TMEFF2: variants seen among roughly 807,000 people sequenced by gnomAD.
TMEFF2 encodes the protein tomoregulin-2.
In TMEFF2, 28 loss-of-function variants were observed where a neutral mutation model predicts 53.8. That is an observed-to-expected ratio of 0.52 (90% CI 0.39 to 0.71). The LOEUF (loss-of-function observed/expected upper bound fraction) is 0.71. TMEFF2 is among the 30% of genes least tolerant of loss of function. The pLI is 0.00. For synonymous variants in TMEFF2, 162 were observed against 166.3 expected (o/e 0.97, Z 0.20); for missense variants, 353 against 455.2 (o/e 0.78, Z 2.04).
At chr2:192,131,766 T>A (rs1689837517) in intron 4 of TMEFF2, among the ~76,000 whole-genome samples, 1 of 152,120 alleles carries the variant, frequency 6.6e-6, no homozygotes, top group Non-Finnish European at 1.5e-5. Flanking sequence ...CCTCTTCAAC[T>A]CTCACCTGAC....
At chr2:192,058,518 G>A (rs144456174) in intron 4 of TMEFF2, among the ~76,000 whole-genome samples, 1 of 152,026 alleles carries the variant, frequency 6.6e-6, no homozygotes, top group Non-Finnish European at 1.5e-5. Context: ...TGCAAAAATA[G>A]GCAATATATC....
At chr2:191,968,435 T>C (rs978247032) in intron 7 of TMEFF2, among the ~76,000 whole-genome samples, 1 of 152,170 alleles carries the variant, frequency 6.6e-6, no homozygotes, top group East Asian at 1.9e-4. Flanking sequence ...GACAGCAGAA[T>C]AGAAGAGGCA....
chr2:191,970,961 C>T (rs993097648), intron 7 of TMEFF2, among the ~76,000 whole-genome samples: 18 of 152,100 alleles, frequency 1.2e-4, no homozygotes, highest in East Asian at 1.9e-4. Flanking sequence ...TTGAAGTACC[C>T]GTGATTCATT....
At chr2:192,115,070 A>G (rs1219452871) in intron 4 of TMEFF2, among the ~76,000 whole-genome samples, 1 of 151,960 alleles carries the variant, frequency 6.6e-6, no homozygotes, top group Non-Finnish European at 1.5e-5. Flanking sequence ...CATTTTTCTC[A>G]CAGGTAAAAA....
chr2:192,169,484 T>C (rs1444775016), intron 4 of TMEFF2, among the ~76,000 whole-genome samples: 1 of 152,070 alleles, frequency 6.6e-6, no homozygotes, highest in African/African-American at 2.4e-5. Context: ...GGTCTTTGTA[T>C]CTCCTGTTGG....
intron 4 of TMEFF2, among the ~76,000 whole-genome samples, chr2:192,068,803 A>G (rs933722939): frequency 6.6e-6 from 1 of 151,924 alleles, no homozygotes; most frequent in Non-Finnish European, 1.5e-5. Flanking sequence ...GTTTAAATAT[A>G]TAACTTATTT....
chr2:191,968,463 CTT>C (rs1692530114), intron 7 of TMEFF2, among the ~76,000 whole-genome samples: 4 of 152,126 alleles, frequency 2.6e-5, no homozygotes, highest in African/African-American at 2.4e-5. Context: ...AGAAATATCT[CTT>C]TGGTTTCATG....
intron 5 of TMEFF2, among the ~76,000 whole-genome samples, chr2:192,002,840 C>A (rs1266786918): frequency 2.0e-5 from 3 of 151,894 alleles, no homozygotes; most frequent in Non-Finnish European, 4.4e-5. Context: ...AAAAACAAAA[C>A]AAAACAAAAC....
intron 7 of TMEFF2, among the ~76,000 whole-genome samples, chr2:191,973,738 CAT>C (rs1213145003): frequency 1.3e-5 from 2 of 152,160 alleles, no homozygotes; most frequent in Non-Finnish European, 2.9e-5. Flanking sequence ...ATAATCCCCA[CAT>C]GTCACAGGAG....
At chr2:192,192,754 T>C (rs912924340) in intron 1 of TMEFF2, among the ~76,000 whole-genome samples, 2 of 152,354 alleles carry the variant, frequency 1.3e-5, no homozygotes, top group South Asian at 2.1e-4. Context: ...CAAACCAGTC[T>C]GTGTTGGACT....
chr2:192,170,114 A>G (rs1222855617), intron 4 of TMEFF2, among the ~76,000 whole-genome samples: 1 of 152,116 alleles, frequency 6.6e-6, no homozygotes, highest in African/African-American at 2.4e-5. Context: ...GAGTAACTGA[A>G]TAAAATTCTC....
At chr2:192,157,603 G>A (rs1273527188) in intron 4 of TMEFF2, among the ~76,000 whole-genome samples, 1 of 151,854 alleles carries the variant, frequency 6.6e-6, no homozygotes, top group East Asian at 1.9e-4. Context: ...TATTTTTAAT[G>A]TGAAAGCAAG....
intron 9 of TMEFF2, among the ~76,000 whole-genome samples, chr2:191,951,179 A>G (rs998217265): frequency 2.0e-5 from 3 of 146,536 alleles, no homozygotes; most frequent in Non-Finnish European, 4.6e-5. Context: ...GTGTGTGTGT[A>G]TGTATGTGTA....
chr2:191,966,304 T>C (rs891281695), intron 7 of TMEFF2, among the ~76,000 whole-genome samples: 2 of 152,188 alleles, frequency 1.3e-5, no homozygotes, highest in African/African-American at 4.8e-5. Flanking sequence ...TGGTTTCTTC[T>C]TTCCACAGCT....
intron 7 of TMEFF2, among the ~76,000 whole-genome samples, chr2:191,983,869 C>T (rs1052221102): frequency 1.3e-5 from 2 of 152,178 alleles, no homozygotes; most frequent in Non-Finnish European, 2.9e-5. Context: ...AATTCAATAT[C>T]GTTTCTAAAT....
intron 4 of TMEFF2, among the ~76,000 whole-genome samples, chr2:192,089,917 A>G (rs903372211): frequency 1.3e-5 from 2 of 152,118 alleles, no homozygotes; most frequent in African/African-American, 4.8e-5. Context: ...TCATAAGCAT[A>G]TTCTTTTCTC....
At position 191,977,606 on chromosome 2, in the gene TMEFF2, G is replaced by A. The variant is rs531360316; in HGVS notation, c.745+20656C>T. ...CTAATAAAATAATCTCTCCTTCCAT[G>A]AAATCTTAGAAATGGATTTTTTGTC... On this transcript the variant is annotated intron_variant, in intron 7 of 9. Coordinates refer to ENST00000272771, the MANE Select transcript of TMEFF2 (RefSeq NM_016192.4). Among the ~76,000 whole-genome samples the A allele has an allele frequency of 9.9e-5, 15 of 151,460 alleles. No homozygotes were observed. In the South Asian group the frequency reaches 3.1e-3, roughly 31 times the overall value.
intron 5 of TMEFF2, among the ~76,000 whole-genome samples, chr2:192,042,351 G>A (rs1052521549): frequency 1.3e-5 from 2 of 152,188 alleles, no homozygotes; most frequent in Non-Finnish European, 2.9e-5. Context: ...TTCACGTGGT[G>A]TTGTCACACA....
chr2:191,957,727 A>G (rs942978728), intron 7 of TMEFF2, among the ~76,000 whole-genome samples: 1 of 152,210 alleles, frequency 6.6e-6, no homozygotes, highest in Non-Finnish European at 1.5e-5. Flanking sequence ...TATGTTACAC[A>G]CCCAAATTTG....
Sources: allele counts gnomAD v4.1 joint callset (sites outside exome capture counted in the v4.1 genomes callset), GRCh38; gene constraint gnomAD v4.1.1; transcripts MANE v1.5; gene names NCBI Gene and HGNC (gene_info 2026-07-23, HGNC 2026-07-21).